DIP2B: variants seen among roughly 807,000 people sequenced by gnomAD.
The protein encoded by DIP2B is DIP2 acetate--CoA ligase B (putative), also known as disco-interacting protein 2 homolog B.
Under a neutral mutation model 198.0 loss-of-function variants are expected in DIP2B, and 76 were observed. That is an observed-to-expected ratio of 0.38 (90% confidence interval 0.32 to 0.46). DIP2B has a LOEUF of 0.46. Ranked by LOEUF, DIP2B falls within the 20% of genes least tolerant of loss-of-function variation. The pLI is 0.99. For synonymous variants in DIP2B, 701 were observed against 739.1 expected, an observed-to-expected ratio of 0.95 and a Z score of 0.84; for missense variants, 1,559 against 1,978.4, an observed-to-expected ratio of 0.79 and a Z score of 4.02.
chr12:50,680,612 A>G, intron 8 of DIP2B, 60 bp from the exon 9 acceptor site: 7 of 1,482,450 alleles, frequency 4.7e-6, no homozygotes, highest in Non-Finnish European at 6.5e-6. Context: ...ATGTTCTTTC[A>G]TTGAGGTAGA....
rs753230046 is a variant in DIP2B, at chr12:50,686,600, C to T, written c.1469C>T (p.Thr490Ile). 6.2e-7 allele frequency: 1 copy of T among 1,614,082 alleles called. No individual in the cohort carries two copies. Among genetic ancestry groups the T allele is most frequent in the South Asian group, 1.1e-5 (1 of 91,064 alleles). Residue 490 changes from threonine to isoleucine, a missense_variant, in exon 12 of 38, where the codon ACA becomes ATA. By Grantham distance (89) the Thr-to-Ile change is moderately conservative. Coordinates refer to ENST00000301180, the MANE Select transcript of DIP2B (RefSeq NM_173602.3). Reference sequence around the variant, plus strand: ...TGGCCCCGGCTCAAATGGGTTGTAACAGATTCCAAGTACCTTTCAAAGCCA... The same window carrying T: ...TGGCCCCGGCTCAAATGGGTTGTAATAGATTCCAAGTACCTTTCAAAGCCA... Reference protein sequence around the residue: ...KGWPRLKWVVTDSKYLSKPPK... With the variant: ...KGWPRLKWVVIDSKYLSKPPK...
intron 1 of DIP2B, among the ~76,000 whole-genome samples, chr12:50,539,616 C>T (rs1174990903): frequency 4.3e-5 from 1 of 23,450 alleles, no homozygotes; most frequent in Non-Finnish European, 1.3e-4. Flanking sequence ...AATACTCTGT[C>T]TCAAAAAAAA....
chr12:50,586,003 T>C (rs1455064573), intron 1 of DIP2B, among the ~76,000 whole-genome samples: 1 of 152,258 alleles, frequency 6.6e-6, no homozygotes, highest in Non-Finnish European at 1.5e-5. Flanking sequence ...ATTGAGTGAA[T>C]GACCTGGAGG....
Position 50,592,260 on chromosome 12 carries a change from G to A in DIP2B, c.101-33716G>A, listed in dbSNP as rs116948657. Reference sequence around the variant, plus strand: ...CACCATCGTAGCTCACTGCAGCCTCGAACTCTTGGGCTCAGGCAATCCTCT... The same window carrying A: ...CACCATCGTAGCTCACTGCAGCCTCAAACTCTTGGGCTCAGGCAATCCTCT... On this transcript the variant is annotated intron_variant, in intron 1 of 37. Coordinates refer to ENST00000301180, the MANE Select transcript of DIP2B (RefSeq NM_173602.3). Among the ~76,000 whole-genome samples, 29 of 151,692 alleles carry A rather than the reference G, an allele frequency of 1.9e-4. No individual in the cohort carries two copies. In the East Asian group the frequency reaches 4.7e-3, roughly 24 times the overall value.
At chr12:50,526,850 G>A (rs1394907527) in intron 1 of DIP2B, among the ~76,000 whole-genome samples, 1 of 151,942 alleles carries the variant, frequency 6.6e-6, no homozygotes, top group South Asian at 2.1e-4. Flanking sequence ...TGGCCAGGTT[G>A]GTCCCAAACT....
chr12:50,568,170 G>C (rs530428525), intron 1 of DIP2B, among the ~76,000 whole-genome samples: 24 of 152,222 alleles, frequency 1.6e-4, no homozygotes, highest in Admixed American at 4.6e-4. Flanking sequence ...CTGGGACTTG[G>C]GAGTGTCTTA....
chr12:50,508,749 A>G (rs1014736542), intron 1 of DIP2B, among the ~76,000 whole-genome samples: 1 of 148,982 alleles, frequency 6.7e-6, no homozygotes, highest in Non-Finnish European at 1.5e-5. Flanking sequence ...CTTGTTGCCC[A>G]GGCTGGAGTG....
intron 7 of DIP2B, among the ~76,000 whole-genome samples, chr12:50,675,670 A>G (rs1210478684): frequency 1.3e-5 from 2 of 152,208 alleles, no homozygotes; most frequent in Non-Finnish European, 2.9e-5. Flanking sequence ...CAAAGAGATC[A>G]CCATGGAGCA....
At chr12:50,650,785 C>T (rs550247421) in intron 3 of DIP2B, among the ~76,000 whole-genome samples, 2 of 152,236 alleles carry the variant, frequency 1.3e-5, no homozygotes, top group East Asian at 3.9e-4. Context: ...ACAAATATCT[C>T]TTTGAGATCC....
At chr12:50,561,294 A>T (rs776596494) in intron 1 of DIP2B, among the ~76,000 whole-genome samples, 5 of 152,230 alleles carry the variant, frequency 3.3e-5, no homozygotes, top group Admixed American at 6.5e-5. Flanking sequence ...TTTATATACT[A>T]TGTAGTCTAC....
At chr12:50,683,441 T>G (rs1322083851) in intron 10 of DIP2B, among the ~76,000 whole-genome samples, 193 bp downstream of exon 10, 1 of 152,172 alleles carries the variant, frequency 6.6e-6, no homozygotes, top group Non-Finnish European at 1.5e-5. Context: ...AATAACATAT[T>G]TTGTATTAAG....
chr12:50,575,391 G>GTTT (rs55820615), intron 1 of DIP2B, among the ~76,000 whole-genome samples: 4 of 150,380 alleles, frequency 2.7e-5, no homozygotes, highest in Admixed American at 1.3e-4. Flanking sequence ...GTTTTGTTTT[G>GTTT]TTTTTTTTTG....
rs572259752 is a variant in DIP2B, at chr12:50,556,850, C to T, written c.100+51610C>T. On this transcript the variant is annotated intron_variant, in intron 1 of 37. Coordinates refer to ENST00000301180, the MANE Select transcript of DIP2B (RefSeq NM_173602.3). The stretch of plus-strand genomic sequence containing the variant: ...TCAGCCTCCCAGGTAGCTGGGATTA[C>T]AGGCATTCGCCACCACACCCAGCAA... Among the ~76,000 whole-genome samples the T allele has an allele frequency of 6.6e-4, 100 of 152,328 alleles. 1 individual carries two copies. In the Middle Eastern group the frequency reaches 0.01, roughly 16 times the overall value.
intron 1 of DIP2B, among the ~76,000 whole-genome samples, chr12:50,519,808 GTT>G (rs5798142): frequency 4.7e-5 from 7 of 148,448 alleles, no homozygotes; most frequent in South Asian, 2.1e-4. Flanking sequence ...TTTCTTGGAG[GTT>G]TTTTTTTTTG....
At chr12:50,576,658 T>G (rs977434768) in intron 1 of DIP2B, among the ~76,000 whole-genome samples, 1 of 151,656 alleles carries the variant, frequency 6.6e-6, no homozygotes, top group Non-Finnish European at 1.5e-5. Context: ...TTTTGTATTT[T>G]TTTTAGTAGA....
chr12:50,706,738 T>C (rs1487456163), intron 21 of DIP2B, 73 bp downstream of exon 21: 9 of 1,543,654 alleles, frequency 5.8e-6, no homozygotes, highest in Non-Finnish European at 7.9e-6. Flanking sequence ...GTGATTTCAG[T>C]GGTATTTTGT....
At chr12:50,597,662 C>T (rs1180960012) in intron 1 of DIP2B, among the ~76,000 whole-genome samples, 1 of 152,160 alleles carries the variant, frequency 6.6e-6, no homozygotes, top group Non-Finnish European at 1.5e-5. Flanking sequence ...GTGGCTCATG[C>T]ACATTTCCTG....
intron 37 of DIP2B, among the ~76,000 whole-genome samples, chr12:50,741,987 T>C (rs933394857): frequency 6.6e-6 from 1 of 152,176 alleles, no homozygotes; most frequent in Non-Finnish European, 1.5e-5. Context: ...GGTAAGCAGA[T>C]GAAAAGGGTA....
chr12:50,703,062 A>G (rs996777962), intron 19 of DIP2B, among the ~76,000 whole-genome samples: 4 of 151,974 alleles, frequency 2.6e-5, no homozygotes, highest in Non-Finnish European at 4.4e-5. Flanking sequence ...ATCTCTACAA[A>G]CGAATTAAAA....
Sources: allele counts gnomAD v4.1 joint callset (sites outside exome capture counted in the v4.1 genomes callset), GRCh38; gene constraint gnomAD v4.1.1; transcripts MANE v1.5; gene names NCBI Gene and HGNC (gene_info 2026-07-23, HGNC 2026-07-21).